PHF14: variants seen among roughly 807,000 people sequenced by gnomAD.
PHF14 encodes PHD finger protein 14.
A neutral mutation model predicts 117.9 loss-of-function variants in PHF14; 55 were observed. The observed-to-expected ratio is 0.47, with a 90% CI of 0.38 to 0.58. PHF14 has a LOEUF of 0.58. PHF14 is among the 20% of genes least tolerant of loss of function. The pLI is 0.00. For missense variants in PHF14, 978 were observed against 1,122.2 expected (o/e 0.87, Z 1.84); for synonymous variants, 409 against 368.6 (o/e 1.11, Z -1.26).
Position 11,130,993 on chromosome 7 carries a change from C to CT in PHF14, c.2772+19536dup, listed in dbSNP as rs1041015085. Among the ~76,000 whole-genome samples, 10 of 147,868 alleles carry CT rather than the reference C, an allele frequency of 6.8e-5. No homozygotes were observed. In the South Asian group the frequency reaches 1.1e-3, roughly 16 times the overall value. The stretch of plus-strand genomic sequence containing the variant: ...GTCATGTCTTTTCATGACTTGAGAG[C>CT]TTTTTTTTTTAATCACTGAGTAATG... On this transcript the variant is annotated intron_variant, in intron 17 of 17. Transcript: ENST00000634607. The surrounding 1 kb of genome is among the most constrained non-coding windows in gnomAD (Gnocchi z 4.2).
At chr7:10,979,001 T>G (rs17163857) in intron 2 of PHF14, among the ~76,000 whole-genome samples, 24 of 152,144 alleles carry the variant, frequency 1.6e-4, no homozygotes, top group African/African-American at 5.8e-4. Context: ...CTGTTATCTA[T>G]TGTGTATATT....
At chr7:11,075,712 A>C (rs1030254779) in intron 16 of PHF14, among the ~76,000 whole-genome samples, 5 of 152,036 alleles carry the variant, frequency 3.3e-5, no homozygotes, top group Admixed American at 6.6e-5. Flanking sequence ...TCCAAACTAT[A>C]TCAATATGTA....
chr7:11,109,448 T>TG (rs1787371525), intron 16 of PHF14: 1 of 147,820 alleles, frequency 6.8e-6, no homozygotes, highest in Non-Finnish European at 1.5e-5. Flanking sequence ...ACGAGCAATG[T>TG]GATTTTTAAA....
At chr7:11,076,567 CT>C (rs71023886) in intron 16 of PHF14, among the ~76,000 whole-genome samples, 1,935 of 124,720 alleles carry the variant, frequency 0.016, 20 homozygotes, top group East Asian at 0.1. Flanking sequence ...TTTTCTTTTT[CT>C]TTTTTTTTTT....
At chr7:11,035,853 G>T (rs1784306143) in intron 8 of PHF14, 67 bp downstream of exon 8, 7 of 1,202,508 alleles carry the variant, frequency 5.8e-6, no homozygotes, top group African/African-American at 1.5e-5. Context: ...TACGTCTCGT[G>T]TGGCTTCCAG....
intron 17 of PHF14, among the ~76,000 whole-genome samples, chr7:11,151,611 T>C (rs764322596): frequency 6.6e-6 from 1 of 152,122 alleles, no homozygotes; most frequent in Non-Finnish European, 1.5e-5. Context: ...AACTGTAGCA[T>C]TGTGTCAGAG....
intron 7 of PHF14, among the ~76,000 whole-genome samples, chr7:11,033,292 G>C (rs1210226886): frequency 6.6e-6 from 1 of 152,194 alleles, no homozygotes; most frequent in East Asian, 1.9e-4. Context: ...ATTGGATACT[G>C]AGGGGAGTTT....
intron 16 of PHF14, 45 bp downstream of exon 16, chr7:11,062,130 A>G: frequency 6.6e-7 from 1 of 1,513,496 alleles, no homozygotes. Context: ...TGAAAGTTCT[A>G]TATTTATTTT....
At chr7:11,117,739 C>T (rs1474464374) in intron 17 of PHF14, among the ~76,000 whole-genome samples, 1 of 151,284 alleles carries the variant, frequency 6.6e-6, no homozygotes, top group Non-Finnish European at 1.5e-5. Context: ...TAAACAAGCA[C>T]ATTTAATTGA....
intron 17 of PHF14, among the ~76,000 whole-genome samples, chr7:11,140,402 C>T (rs1461384663): frequency 1.3e-5 from 2 of 152,056 alleles, no homozygotes; most frequent in African/African-American, 4.8e-5. Flanking sequence ...CATTATAGTA[C>T]ATTAGGGCTG....
At chr7:11,141,364 T>G (rs957121193) in intron 17 of PHF14, among the ~76,000 whole-genome samples, 1 of 152,056 alleles carries the variant, frequency 6.6e-6, no homozygotes, top group Non-Finnish European at 1.5e-5. Context: ...GATGAGGACT[T>G]TGACTTTCTG....
chr7:11,004,725 A>G (rs1296398803), intron 4 of PHF14, among the ~76,000 whole-genome samples: 3 of 147,580 alleles, frequency 2.0e-5, no homozygotes, highest in Non-Finnish European at 3.0e-5. Context: ...TTTAGTTCCC[A>G]TTATATCACA....
At chr7:10,980,273 T>G (rs747581778) in intron 2 of PHF14, among the ~76,000 whole-genome samples, 1 of 152,120 alleles carries the variant, frequency 6.6e-6, no homozygotes, top group Non-Finnish European at 1.5e-5. Flanking sequence ...AAAGTACCTT[T>G]TCTTTCATCT....
intron 7 of PHF14, among the ~76,000 whole-genome samples, chr7:11,032,994 TA>T (rs1272255549): frequency 6.6e-6 from 1 of 152,148 alleles, no homozygotes; most frequent in Non-Finnish European, 1.5e-5. Context: ...AAATTGATAT[TA>T]AAATGGTAGA....
At chr7:11,075,427 A>G (rs1319073015) in intron 16 of PHF14, among the ~76,000 whole-genome samples, 2 of 152,224 alleles carry the variant, frequency 1.3e-5, no homozygotes, top group African/African-American at 4.8e-5. Flanking sequence ...CAGTAAACTT[A>G]CAATCATGGC....
In PHF14 at chr7:11,106,918, A is replaced by C. The variant is rs574009110; in HGVS notation, c.2655-4432A>C. 3,453 of 983,788 alleles carry C rather than the reference A, an allele frequency of 3.5e-3. 12 individuals carry two copies. The highest frequency in any genetic ancestry group is 3.9e-3 in the Non-Finnish European group (3,244 of 828,568). 60.9% of individuals were successfully genotyped at this position (983,788 alleles called of 1,614,324 possible). A position where few individuals can be genotyped will look rare whatever the true frequency, so the allele number is the denominator to read the frequency against. On this transcript the variant is annotated intron_variant, in intron 16 of 17. Coordinates refer to ENST00000634607, the MANE Select transcript of PHF14 (RefSeq NM_001007157.2). ...ATAGGGGCTACAAGTAAAATGTTCC[A>C]TTGGCATAAAAGATAATGTGATTAT...
Position 11,151,765 on chromosome 7 carries a change from A to AT in PHF14, c.2773-17644dup, listed in dbSNP as rs1182219638. On this transcript the variant is annotated intron_variant, in intron 17 of 17. Transcript: ENST00000634607. ...ATTCTTCTTCTTACAAATAAAGGCC[A>AT]TTTTTTTCTTGCTTGGAAAATAACT... Among the ~76,000 whole-genome samples, 6 of 151,880 alleles carry AT rather than the reference A, an allele frequency of 4.0e-5. No individual in the cohort carries two copies. The East Asian group carries it at 1.2e-3, about 30-fold the overall frequency.
intron 4 of PHF14, among the ~76,000 whole-genome samples, chr7:10,998,809 C>T (rs1425414674): frequency 6.6e-6 from 1 of 152,164 alleles, no homozygotes; most frequent in Non-Finnish European, 1.5e-5. Flanking sequence ...TCTTATGATG[C>T]TGAGGGCACT....
At chr7:11,139,992 G>T (rs1407987001) in intron 17 of PHF14, among the ~76,000 whole-genome samples, 2 of 152,032 alleles carry the variant, frequency 1.3e-5, no homozygotes, top group Non-Finnish European at 2.9e-5. Flanking sequence ...AACTTCCAGA[G>T]GTCTTTGACT....
Sources: allele counts gnomAD v4.1 joint callset (sites outside exome capture counted in the v4.1 genomes callset), GRCh38; gene constraint gnomAD v4.1.1; non-coding constraint Gnocchi (gnomAD v3.1); transcripts MANE v1.5; gene names NCBI Gene and HGNC (gene_info 2026-07-23, HGNC 2026-07-21).